The following NEK1 variants were observed in gnomAD, a reference collection of about 807,000 sequenced individuals.
The protein encoded by NEK1 is NIMA related kinase 1.
A neutral mutation model predicts 182.1 loss-of-function variants in NEK1; 137 were observed. The ratio of observed to expected loss-of-function variants is 0.75; its 90% confidence interval spans 0.65 to 0.87. The LOEUF (loss-of-function observed/expected upper bound fraction) is 0.87. Ranked by LOEUF, NEK1 falls within the 40% of genes least tolerant of loss-of-function variation. NEK1 has a pLI of 0.00. For missense variants in NEK1, 1,391 were observed against 1,494.4 expected (o/e 0.93, Z 1.14); for synonymous variants, 513 against 492.2 (o/e 1.04, Z -0.56).
intron 10 of NEK1, among the ~76,000 whole-genome samples, chr4:169,583,193 A>G (rs1476636518): frequency 6.6e-6 from 1 of 151,652 alleles, no homozygotes; most frequent in Non-Finnish European, 1.5e-5. Flanking sequence ...CTTGAGCTCC[A>G]GAGGTGGAGG....
chr4:169,474,032 A>G (rs1217093374), intron 26 of NEK1, among the ~76,000 whole-genome samples: 1 of 152,186 alleles, frequency 6.6e-6, no homozygotes, highest in African/African-American at 2.4e-5. Context: ...ATTCTGATAT[A>G]AAGAGGACTT....
At chr4:169,575,435 G>T (rs959760730) in intron 12 of NEK1, among the ~76,000 whole-genome samples, 2 of 152,214 alleles carry the variant, frequency 1.3e-5, no homozygotes, top group African/African-American at 4.8e-5. Flanking sequence ...TGCAGCAAGT[G>T]GGACAAACAG....
intron 26 of NEK1, among the ~76,000 whole-genome samples, chr4:169,468,663 CTGT>C (rs1390308600): frequency 6.6e-6 from 1 of 152,024 alleles, no homozygotes; most frequent in Non-Finnish European, 1.5e-5. Context: ...CCCTCTTTTT[CTGT>C]TGTTTGGAAT....
At chr4:169,400,385 A>G (rs764077817) in intron 34 of NEK1, 28 bp from the exon 35 acceptor site, 126 of 1,449,682 alleles carry the variant, frequency 8.7e-5, no homozygotes, top group South Asian at 1.7e-4. Flanking sequence ...ATATAAATTA[A>G]TATTTGAATA....
intron 27 of NEK1, among the ~76,000 whole-genome samples, chr4:169,447,641 TG>T (rs1255788153): frequency 6.6e-6 from 1 of 151,820 alleles, no homozygotes; most frequent in Admixed American, 6.6e-5. Context: ...TGAAGGCGGG[TG>T]GATCACTTGA....
intron 29 of NEK1, among the ~76,000 whole-genome samples, chr4:169,431,701 G>A (rs137926009): frequency 1.3e-5 from 2 of 151,868 alleles, no homozygotes; most frequent in Admixed American, 6.6e-5. Flanking sequence ...GGCCAAGGCG[G>A]GAGGATTGTT....
At chr4:169,497,458 G>C (rs1751552354) in intron 23 of NEK1, among the ~76,000 whole-genome samples, 1 of 152,104 alleles carries the variant, frequency 6.6e-6, no homozygotes, top group Non-Finnish European at 1.5e-5. Flanking sequence ...TTTTGAATGT[G>C]TTTGCTCTTG....
At chr4:169,471,165 T>C (rs1745887914) in intron 26 of NEK1, among the ~76,000 whole-genome samples, 2 of 152,218 alleles carry the variant, frequency 1.3e-5, no homozygotes, top group South Asian at 4.1e-4. Context: ...GTTCCCTTAC[T>C]GGCAAGGAGT....
chr4:169,464,283 C>T (rs140351964), intron 26 of NEK1, among the ~76,000 whole-genome samples: 190 of 152,216 alleles, frequency 1.2e-3, no homozygotes, highest in African/African-American at 3.7e-3. Flanking sequence ...GTTAAGCAAC[C>T]GCAGGCTTTC....
At chr4:169,496,044 A>G (rs903788130) in intron 23 of NEK1, among the ~76,000 whole-genome samples, 3 of 152,124 alleles carry the variant, frequency 2.0e-5, no homozygotes, top group African/African-American at 7.2e-5. Flanking sequence ...AGCATGGAAT[A>G]TTCTTCCATT....
intron 12 of NEK1, among the ~76,000 whole-genome samples, chr4:169,565,731 T>C (rs898469711): frequency 6.6e-6 from 1 of 152,172 alleles, no homozygotes; most frequent in Non-Finnish European, 1.5e-5. Context: ...TCCATTTATA[T>C]AAAATGTTCA....
chr4:169,535,080 G>A (rs1183969746), intron 19 of NEK1, among the ~76,000 whole-genome samples: 1 of 152,184 alleles, frequency 6.6e-6, no homozygotes. Context: ...AGCAATTTGG[G>A]AGGCTGAGGC....
At chr4:169,531,515 T>G (rs1757675688) in intron 19 of NEK1, among the ~76,000 whole-genome samples, 1 of 151,428 alleles carries the variant, frequency 6.6e-6, no homozygotes, top group Admixed American at 6.6e-5. Flanking sequence ...TATATGTATG[T>G]GTATATGCTA....
At chr4:169,515,155 T>C (rs1324824994) in intron 19 of NEK1, among the ~76,000 whole-genome samples, 2 of 152,210 alleles carry the variant, frequency 1.3e-5, no homozygotes, top group African/African-American at 4.8e-5. Flanking sequence ...CTGCTACTGA[T>C]TTCTAGTTTA....
intron 19 of NEK1, among the ~76,000 whole-genome samples, chr4:169,529,929 C>T (rs556045899): frequency 1.3e-5 from 2 of 152,090 alleles, no homozygotes; most frequent in South Asian, 2.1e-4. Flanking sequence ...AACTGGAATT[C>T]GAGTACAATG....
intron 26 of NEK1, among the ~76,000 whole-genome samples, chr4:169,465,402 T>A (rs755030176): frequency 6.6e-6 from 1 of 150,722 alleles, no homozygotes; most frequent in African/African-American, 2.4e-5. Flanking sequence ...GCTGAGGAGG[T>A]GGAAATGGGA....
At position 169,463,341 on chromosome 4, in the gene NEK1, G is replaced by C; in HGVS notation, c.2489C>G (p.Ala830Gly). The C allele has an allele frequency of 1.2e-6, 2 of 1,610,010 alleles. No homozygotes were observed. Among genetic ancestry groups the C allele is most frequent in the South Asian group, 1.1e-5 (1 of 90,548 alleles). The change falls in exon 27 of 36, where the codon GCC becomes GGC. Residue 830 changes from alanine to glycine, a missense_variant. Transcript: ENST00000507142. ...AGAATCTGTCGGACTTTTCCCCCAG[G>C]CTCTTCTTGGAGATCCATTAGGACC... ...KLGPNGSPRR[A>G]WGKSPTDSVL... is the part of the protein sequence containing the mutation.
chr4:169,478,773 C>T (rs1363496987), intron 24 of NEK1, among the ~76,000 whole-genome samples: 3 of 152,064 alleles, frequency 2.0e-5, no homozygotes, highest in African/African-American at 7.2e-5. Context: ...AATTCTAGGC[C>T]GCAGCTCCAC....
intron 23 of NEK1, among the ~76,000 whole-genome samples, chr4:169,482,419 T>C (rs1748213731): frequency 6.6e-6 from 1 of 151,988 alleles, no homozygotes; most frequent in Admixed American, 6.5e-5. Flanking sequence ...AGCTTCTCAA[T>C]GTGGTTGGGA....
Sources: gnomAD v4.1 joint callset for allele counts (sites outside exome capture counted in the v4.1 genomes callset) on GRCh38, gnomAD v4.1.1 for gene constraint, MANE v1.5 for transcripts, NCBI Gene and HGNC (gene_info 2026-07-23, HGNC 2026-07-21) for gene names.